The following NCAPG variants were observed in gnomAD, a reference collection of about 807,000 sequenced individuals.
NCAPG encodes the protein condensin complex subunit 3.
In NCAPG, 69 loss-of-function variants were observed where a neutral mutation model predicts 113.1. The observed-to-expected ratio is 0.61, with a 90% CI of 0.50 to 0.75. The LOEUF is 0.75. Among genes scored for constraint, NCAPG ranks in the 30% least tolerant of loss-of-function variants. NCAPG has a pLI of 0.00. For missense variants in NCAPG, 1,058 were observed against 1,177.0 expected, an observed-to-expected ratio of 0.90 and a Z score of 1.48; for synonymous variants, 370 against 415.8, an observed-to-expected ratio of 0.89 and a Z score of 1.34.
intron 12 of NCAPG, among the ~76,000 whole-genome samples, chr4:17,828,876 A>C (rs1721760059): frequency 6.6e-6 from 1 of 152,086 alleles, no homozygotes; most frequent in Non-Finnish European, 1.5e-5. Context: ...AATATAGTGC[A>C]AACCATATGT....
At chr4:17,834,739 C>G (rs186058299) in intron 14 of NCAPG, among the ~76,000 whole-genome samples, 6 of 152,162 alleles carry the variant, frequency 3.9e-5, no homozygotes, top group Non-Finnish European at 7.3e-5. Flanking sequence ...CTCCCCTACC[C>G]CCCTATCCCC....
rs1721020138 is a variant in NCAPG at position 17,812,357 on chromosome 4, A to T, written c.248A>T (p.Asp83Val). 1 of 1,613,832 alleles carries T rather than the reference A, an allele frequency of 6.2e-7. No homozygotes were observed. The highest frequency in any genetic ancestry group is 2.2e-5 in the East Asian group (1 of 44,792). Residue 83 changes from aspartate to valine, a missense_variant, in exon 2 of 21, where the codon GAT becomes GTT. By Grantham distance (152) the Asp-to-Val change is radical. Coordinates refer to ENST00000251496, the MANE Select transcript of NCAPG (RefSeq NM_022346.5). ...AKFVTSFHQS[D>V]MEDDEEEEDG... ...TTTGTTACCTCATTTCACCAATCAGATATGGAAGATGATGAGGAAGAGGAA... is the reference window on the plus strand; with the variant it reads ...TTTGTTACCTCATTTCACCAATCAGTTATGGAAGATGATGAGGAAGAGGAA...
intron 5 of NCAPG, 100 bp from the exon 6 acceptor site, chr4:17,817,161 T>C: frequency 1.2e-6 from 1 of 815,528 alleles, no homozygotes. Context: ...CTCTACTATT[T>C]CTATTGTAAA....
chr4:17,822,072 G>A (rs1212580754), intron 7 of NCAPG, among the ~76,000 whole-genome samples: 1 of 148,624 alleles, frequency 6.7e-6, no homozygotes, highest in Non-Finnish European at 1.5e-5. Context: ...TTGTGAAATT[G>A]TTTCTATTTT....
At chr4:17,841,606 T>G (rs1268917957) in intron 19 of NCAPG, 2 of 151,968 alleles carry the variant, frequency 1.3e-5, no homozygotes, top group African/African-American at 4.8e-5. Flanking sequence ...CAGATTTTTT[T>G]TGTGGTATAT....
In NCAPG at chr4:17,840,121, G is replaced by A; in HGVS notation, c.2679G>A (p.Gln893=). The A allele has an allele frequency of 1.9e-6, 3 of 1,612,072 alleles. 1 individual carries two copies. Among genetic ancestry groups the A allele is most frequent in the South Asian group, 2.2e-5 (2 of 90,786 alleles). The part of the protein sequence containing the change: ...CLRALEKIKI[Q]LEKGNKEFGD... ...GAGCTTTGGAGAAAATCAAGATTCAGTTAGAAAAAGGAAATAAAGAATTTG... is the reference window on the plus strand; with the variant it reads ...GAGCTTTGGAGAAAATCAAGATTCAATTAGAAAAAGGAAATAAAGAATTTG... The change falls in exon 18 of 21, where the codon CAG becomes CAA. Residue 893 remains glutamine, a synonymous_variant. Transcript: ENST00000251496.
rs753152256 is a variant in NCAPG at position 17,813,043 on chromosome 4, C to T, written c.442C>T (p.Leu148Phe). 2 of 1,613,896 alleles carry T rather than the reference C, an allele frequency of 1.2e-6. No individual in the cohort carries two copies. The highest frequency in any genetic ancestry group is 2.2e-5 in the East Asian group (1 of 44,858). ...DVFDKINKAM[L>F]IRLKDKIPNV... ...GTTTGATAAAATTAATAAAGCCATG[C>T]TTATTAGATTGAAAGATAAGATTCC... Residue 148 changes from leucine (L) to phenylalanine (F), a missense_variant, in exon 3 of 21, where the codon CTT (leucine) becomes TTT (phenylalanine). Transcript: ENST00000251496.
chr4:17,839,117 G>T (rs1722224877), intron 16 of NCAPG, among the ~76,000 whole-genome samples: 1 of 152,172 alleles, frequency 6.6e-6, no homozygotes, highest in African/African-American at 2.4e-5. Flanking sequence ...TAGTTTAATT[G>T]GGGAGTACTC....
At chr4:17,841,408 G>T (rs1722390027) in intron 19 of NCAPG, 1 of 151,776 alleles carries the variant, frequency 6.6e-6, no homozygotes, top group Non-Finnish European at 1.5e-5. Context: ...TCATAATATT[G>T]TTTTGTAACC....
Position 17,813,039 on chromosome 4 carries a change from C to T in NCAPG, c.438C>T (p.Ala146=). 1 of 1,613,932 alleles carries T rather than the reference C, an allele frequency of 6.2e-7. No homozygotes were observed. Among genetic ancestry groups the T allele is most frequent in the Non-Finnish European group, 8.5e-7 (1 of 1,179,882 alleles). ...ATGTGTTTGATAAAATTAATAAAGCCATGCTTATTAGATTGAAAGATAAGA... is the reference window on the plus strand; with the variant it reads ...ATGTGTTTGATAAAATTAATAAAGCTATGCTTATTAGATTGAAAGATAAGA... ...DDDVFDKINK[A]MLIRLKDKIP... Residue 146 remains alanine, a synonymous_variant, in exon 3 of 21, where the codon GCC becomes GCT. Transcript: ENST00000251496.
chr4:17,820,330 G>A (rs555232198), intron 7 of NCAPG, among the ~76,000 whole-genome samples: 1 of 151,952 alleles, frequency 6.6e-6, no homozygotes, highest in South Asian at 2.1e-4. Flanking sequence ...GGCTGGGTGC[G>A]GTGGCTCATG....
chr4:17,839,856 A>T lies in NCAPG; in HGVS notation c.2628+19A>T, dbSNP rs771093233. On this transcript the variant is annotated intron_variant, in intron 17 of 20. Transcript: ENST00000251496. ...TCTGGAGGTAAAGTAGTTTCTCATT[A>T]CTCTAAATTAGTTTGTGTTTATATT... 1.3e-6 allele frequency: 2 copies of T among 1,568,954 alleles called. No individual in the cohort carries two copies. Among genetic ancestry groups the T allele is most frequent in the South Asian group, 2.4e-5 (2 of 82,632 alleles).
intron 7 of NCAPG, among the ~76,000 whole-genome samples, chr4:17,819,486 C>T (rs902682471): frequency 9.9e-5 from 15 of 151,844 alleles, no homozygotes; most frequent in African/African-American, 3.4e-4. Context: ...ACTGCATCCT[C>T]CGCCTCCCGG....
chr4:17,842,877 A>G (rs969731126), intron 20 of NCAPG: 1 of 163,520 alleles, frequency 6.1e-6, no homozygotes, highest in African/African-American at 2.4e-5. Context: ...TACACTGTTG[A>G]TTAAATTTGT....
At chr4:17,828,442 A>G in intron 12 of NCAPG, 54 bp downstream of exon 12, 1 of 977,448 alleles carries the variant, frequency 1.0e-6, no homozygotes, top group Non-Finnish European at 1.6e-6. Flanking sequence ...CTTATTTTGT[A>G]AGTGATATGT....
At position 17,844,538 on chromosome 4, in the gene NCAPG, T is replaced by C. The variant is rs1722736716; in HGVS notation, c.*1113T>C. On this transcript the variant is annotated 3_prime_UTR_variant, in exon 21 of 21. Coordinates refer to ENST00000251496, the MANE Select transcript of NCAPG (RefSeq NM_022346.5). Reference sequence around the variant, plus strand: ...AAGGAGTCAAAGTTTCAAAGCAAGATAGTTATTAAGCAAAAGGAAAAATGG... The same window carrying C: ...AAGGAGTCAAAGTTTCAAAGCAAGACAGTTATTAAGCAAAAGGAAAAATGG... The C allele has an allele frequency of 6.6e-6, 1 of 152,430 alleles. No homozygotes were observed. Among genetic ancestry groups the C allele is most frequent in the African/African-American group, 2.4e-5 (1 of 41,452 alleles). 9.4% of individuals were successfully genotyped at this position (152,430 alleles called of 1,614,324 possible).
chr4:17,831,173 T>A, intron 13 of NCAPG, 57 bp downstream of exon 13: 2 of 1,563,474 alleles, frequency 1.3e-6, no homozygotes, highest in Non-Finnish European at 8.7e-7. Context: ...TCTGTGGCGA[T>A]AATGCTAATA....
chr4:17,843,727 C>A lies in NCAPG; in HGVS notation c.*302C>A. 5.5e-6 allele frequency: 1 copy of A among 183,022 alleles called. No individual in the cohort carries two copies. The highest frequency in any genetic ancestry group is 5.7e-5 in the Admixed American group (1 of 17,652). The allele number at this position is 183,022 out of a possible 1,614,324, so 11.3% of individuals were successfully genotyped here. ...GAACTCTTTATGTTTAAAATCATGT[C>A]ATTATGGAAAACTTACAAGTGTAAC... On this transcript the variant is annotated 3_prime_UTR_variant, in exon 21 of 21. Coordinates refer to ENST00000251496, the MANE Select transcript of NCAPG (RefSeq NM_022346.5).
intron 7 of NCAPG, among the ~76,000 whole-genome samples, chr4:17,821,091 TATTA>T (rs1353563439): frequency 2.0e-5 from 3 of 152,134 alleles, no homozygotes; most frequent in East Asian, 1.9e-4. Context: ...ATTTTTAATC[TATTA>T]ATTAAACAAC....
Sources: gnomAD v4.1 joint callset for allele counts (sites outside exome capture counted in the v4.1 genomes callset) on GRCh38, gnomAD v4.1.1 for gene constraint, MANE v1.5 for transcripts, NCBI Gene and HGNC (gene_info 2026-07-23, HGNC 2026-07-21) for gene names.